Variants in ERG observed in about 807,000 individuals in gnomAD.
ERG encodes transcriptional regulator ERG.
In ERG, 9 loss-of-function variants were observed where a neutral mutation model predicts 55.3. That is an observed-to-expected ratio of 0.16 (90% CI 0.10 to 0.28). ERG has a LOEUF of 0.28. Ranked by LOEUF, ERG falls within the 10% of genes least tolerant of loss-of-function variation. ERG has a pLI of 1.00. For synonymous variants in ERG, 223 were observed against 237.3 expected (o/e 0.94, Z 0.55); for missense variants, 434 against 631.6 (o/e 0.69, Z 3.35).
chr21:38,437,833 T>C (rs1293495652), intron 2 of ERG, among the ~76,000 whole-genome samples: 1 of 152,168 alleles, frequency 6.6e-6, no homozygotes, highest in Non-Finnish European at 1.5e-5. Flanking sequence ...CTCACGCAGA[T>C]GTCTCCCATC....
At chr21:38,588,904 A>G (rs998897569), upstream of ERG, among the ~76,000 whole-genome samples, 3 of 152,074 alleles carry the variant, frequency 2.0e-5, no homozygotes, top group African/African-American at 7.2e-5. Context: ...TTTTAAAAAA[A>G]AAATTTTGGA....
chr21:38,417,430 T>C (rs1989328240), intron 3 of ERG, among the ~76,000 whole-genome samples: 1 of 152,230 alleles, frequency 6.6e-6, no homozygotes, highest in South Asian at 2.1e-4. Context: ...AAGTGAATTA[T>C]TTTAAAAATA....
At chr21:38,640,353 G>A (rs2060416395) in intron 1 of ERG, among the ~76,000 whole-genome samples, 2 of 152,178 alleles carry the variant, frequency 1.3e-5, no homozygotes, top group South Asian at 2.1e-4. Flanking sequence ...GGAGATGGGG[G>A]AAGGGGGCAT....
intron 1 of ERG, chr21:38,660,454 C>T (rs2060546017): frequency 6.6e-6 from 1 of 152,494 alleles, no homozygotes; most frequent in Non-Finnish European, 1.5e-5. Context: ...CGCTGCCTTC[C>T]TCCCCGTCCC....
At chr21:38,430,137 T>C (rs1990138091) in intron 2 of ERG, among the ~76,000 whole-genome samples, 1 of 152,216 alleles carries the variant, frequency 6.6e-6, no homozygotes, top group African/African-American at 2.4e-5. Flanking sequence ...GGTATCACCC[T>C]GTGGTCTTGA....
chr21:38,423,303 G>T, intron 3 of ERG, 107 bp downstream of exon 3: 2 of 1,201,434 alleles, frequency 1.7e-6, no homozygotes, highest in Non-Finnish European at 2.3e-6. Flanking sequence ...TCTGGACAAA[G>T]GAGATGTGAT....
Position 38,402,637 on chromosome 21 carries a change from G to A in ERG, c.593C>T (p.Thr198Ile), listed in dbSNP as rs1283544903. ...ATCTGAAGTCAAATGTGGAAGAGGA[G>A]CTACAAAACAAAACAAAAAGCGACA... ...LLSHLHYLRETPLPHLTSDDV... is the reference protein window; with the variant it reads ...LLSHLHYLREIPLPHLTSDDV... The change falls in exon 5 of 10, where the codon ACT (threonine) becomes ATT (isoleucine). Residue 198 changes from threonine (T) to isoleucine (I), a missense_variant and splice_region_variant. Thr to Ile is a moderately conservative substitution (Grantham distance 89, BLOSUM62 -1). Transcript: ENST00000288319. 3 of 1,534,162 alleles carry A rather than the reference G, an allele frequency of 2.0e-6. No individual in the cohort carries two copies. The highest frequency in any genetic ancestry group is 2.6e-6 in the Non-Finnish European group (3 of 1,142,730).
intron 1 of ERG, among the ~76,000 whole-genome samples, chr21:38,474,655 G>A (rs1281108736): frequency 6.6e-6 from 1 of 152,090 alleles, no homozygotes; most frequent in East Asian, 1.9e-4. Context: ...AAAGTCATGA[G>A]ACTCCTACCT....
intron 2 of ERG, among the ~76,000 whole-genome samples, chr21:38,552,933 T>C (rs1009345736): frequency 4.6e-5 from 7 of 152,020 alleles, no homozygotes; most frequent in African/African-American, 1.7e-4. Flanking sequence ...GATTTATGTC[T>C]GGAAAACCTC....
At chr21:38,623,987 GA>G (rs2060309370) in intron 1 of ERG, among the ~76,000 whole-genome samples, 1 of 152,122 alleles carries the variant, frequency 6.6e-6, no homozygotes, top group Admixed American at 6.5e-5. Context: ...TATCAAATAA[GA>G]ACATTCCTGA....
chr21:38,500,558 G>C (rs1165192338), upstream of ERG, among the ~76,000 whole-genome samples: 1 of 152,110 alleles, frequency 6.6e-6, no homozygotes, highest in Non-Finnish European at 1.5e-5. Flanking sequence ...ATTGTCTACT[G>C]GTGCCAATGT....
chr21:38,599,312 T>G (rs1406910360), intron 1 of ERG, among the ~76,000 whole-genome samples: 1 of 150,782 alleles, frequency 6.6e-6, no homozygotes, highest in Admixed American at 6.6e-5. Context: ...AGGGTGAAGC[T>G]AGGGGAAGGG....
At chr21:38,510,558 A>C (rs1301762140) in intron 2 of ERG, among the ~76,000 whole-genome samples, 1 of 152,082 alleles carries the variant, frequency 6.6e-6, no homozygotes, top group Admixed American at 6.5e-5. Flanking sequence ...TGGAGTGGGG[A>C]GCTTTTTGTC....
At chr21:38,429,739 A>G (rs1411250960) in intron 2 of ERG, among the ~76,000 whole-genome samples, 1 of 91,672 alleles carries the variant, frequency 1.1e-5, no homozygotes, top group African/African-American at 3.7e-5. Flanking sequence ...ATGTGTGTAT[A>G]TATATATACA....
intron 1 of ERG, among the ~76,000 whole-genome samples, chr21:38,657,134 G>T (rs1417608332): frequency 6.6e-6 from 1 of 151,948 alleles, no homozygotes; most frequent in African/African-American, 2.4e-5. Context: ...AAAAAAAGAG[G>T]TGATAAATTA....
upstream of ERG, among the ~76,000 whole-genome samples, chr21:38,501,043 T>C (rs2059416776): frequency 6.6e-6 from 1 of 151,518 alleles, no homozygotes; most frequent in Non-Finnish European, 1.5e-5. Context: ...CTTTGGCTCT[T>C]GATAGGACAA....
chr21:38,480,591 C>CTTTTTTAT (rs2059229005), intron 1 of ERG, among the ~76,000 whole-genome samples: 1 of 51,112 alleles, frequency 2.0e-5, no homozygotes, highest in Non-Finnish European at 3.4e-5. Flanking sequence ...ACTATATGGC[C>CTTTTTTAT]TTTTTTTTTT....
At chr21:38,601,745 C>G (rs2836554) in intron 1 of ERG, among the ~76,000 whole-genome samples, 73,782 of 152,048 alleles carry the variant, frequency 0.49, 18,101 homozygotes, top group African/African-American at 0.54. Context: ...TTTTCTCCTA[C>G]ATAGTAACTT....
intron 2 of ERG, among the ~76,000 whole-genome samples, chr21:38,440,543 G>A (rs1463865037): frequency 6.6e-6 from 1 of 152,114 alleles, no homozygotes; most frequent in African/African-American, 2.4e-5. Flanking sequence ...TAGTGAGGCC[G>A]GGCATGGTGG....
Sources: allele counts gnomAD v4.1 joint callset (sites outside exome capture counted in the v4.1 genomes callset), GRCh38; gene constraint gnomAD v4.1.1; transcripts MANE v1.5; gene names NCBI Gene and HGNC (gene_info 2026-07-23, HGNC 2026-07-21).